The following AP3B2 variants were observed in gnomAD, a reference collection of about 807,000 sequenced individuals.
The protein encoded by AP3B2 is adaptor related protein complex 3 subunit beta 2, also known as AP-3 complex subunit beta-2.
AP3B2 carries 50 observed loss-of-function variants against 126.9 expected under a neutral mutation model. That is an observed-to-expected ratio of 0.39 (90% confidence interval 0.31 to 0.50). The LOEUF (loss-of-function observed/expected upper bound fraction) is 0.50. AP3B2 is among the 20% of genes least tolerant of loss of function. The probability of loss-of-function intolerance (pLI) is 0.79; values close to 1 mark genes in which losing one functional copy is unlikely to be tolerated. For missense variants in AP3B2, 1,177 were observed against 1,426.4 expected, an observed-to-expected ratio of 0.83 and a Z score of 2.82; for synonymous variants, 541 against 565.0, an observed-to-expected ratio of 0.96 and a Z score of 0.60.
In AP3B2 at chr15:82,678,107, G is replaced by T. The variant is rs2048275039; in HGVS notation, c.1243C>A (p.Gln415Lys). The change falls in exon 11 of 27, where the codon CAG becomes AAG. Residue 415 changes from glutamine (Q) to lysine (K), a missense_variant and splice_region_variant. Physicochemically the swap from Gln to Lys is moderately conservative, Grantham distance 53. Around this residue, in one of 5 missense-constraint regions of AP3B2, gnomAD observed 308 missense variants for 452.4 expected, o/e 0.68. Coordinates refer to ENST00000535359, the MANE Select transcript of AP3B2 (RefSeq NM_001278512.2). ...TNIPTVLREF[Q>K]TYIRSMDKDF... ...TCTGGCTGGGAGCTGGCCTGTACCT[G>T]GAATTCCCGTAGGACAGTAGGAATG... 6.2e-7 allele frequency: 1 copy of T among 1,613,800 alleles called. No homozygotes were observed. The highest frequency in any genetic ancestry group is 2.2e-5 in the East Asian group (1 of 44,884).
chr15:82,687,274 A>C (rs2048444430), intron 4 of AP3B2: 1 of 152,220 alleles, frequency 6.6e-6, no homozygotes, highest in Non-Finnish European at 1.5e-5. Flanking sequence ...CCACTTGTCA[A>C]TGGCTGCATT....
chr15:82,681,720 C>G lies in AP3B2; in HGVS notation c.361-140G>C, dbSNP rs2048342081. The stretch of plus-strand genomic sequence containing the variant: ...GCTTGACTGGAGCCTGGATGGTGTG[C>G]CAGTGATGGGTATCTGGGGGACACT... On this transcript the variant is annotated intron_variant, in intron 4 of 26. Coordinates refer to ENST00000535359, the MANE Select transcript of AP3B2 (RefSeq NM_001278512.2). This position sits in a 1 kb window ranked among gnomAD's most constrained non-coding sequence, Gnocchi z 4.0. 1.1e-6 allele frequency: 1 copy of G among 927,734 alleles called. No individual in the cohort carries two copies. Among genetic ancestry groups the G allele is most frequent in the Non-Finnish European group, 1.6e-6 (1 of 631,376 alleles). 57.5% of individuals were successfully genotyped at this position (927,734 alleles called of 1,614,324 possible).
At chr15:82,703,987 A>C (rs952615095) in intron 1 of AP3B2, among the ~76,000 whole-genome samples, 1 of 152,064 alleles carries the variant, frequency 6.6e-6, no homozygotes, top group African/African-American at 2.4e-5. Context: ...CCCCACACCC[A>C]GTCCGGCTTA....
rs1462764668 is a variant in AP3B2, at chr15:82,665,198, G to C, written c.2028+49C>G. On this transcript the variant is annotated intron_variant, in intron 17 of 26. Coordinates refer to ENST00000535359, the MANE Select transcript of AP3B2 (RefSeq NM_001278512.2). This position sits in a 1 kb window ranked among gnomAD's most constrained non-coding sequence, Gnocchi z 4.4. ...AGCACAACACACAGGGGAAGAAGAG[G>C]GACACAGACAGGGCAGGGGAGAGAG... The C allele has an allele frequency of 7.2e-6, 11 of 1,519,156 alleles. No homozygotes were observed. In the Admixed American group the frequency reaches 1.6e-4, roughly 22 times the overall value. 94.1% of individuals were successfully genotyped at this position (1,519,156 alleles called of 1,614,324 possible).
intron 1 of AP3B2, among the ~76,000 whole-genome samples, chr15:82,707,428 G>C (rs1217996064): frequency 3.3e-5 from 5 of 152,124 alleles, no homozygotes; most frequent in Non-Finnish European, 1.5e-5. Context: ...GACCAACTTG[G>C]ACTGTGCCCC....
Position 82,681,340 on chromosome 15 carries a change from A to G in AP3B2, c.521+80T>C, listed in dbSNP as rs1167581296. 6.3e-7 allele frequency: 1 copy of G among 1,578,586 alleles called. No homozygotes were observed. Among genetic ancestry groups the G allele is most frequent in the Non-Finnish European group, 8.6e-7 (1 of 1,158,916 alleles). ...TCAAACCCTCTGAGAAGCAGCAGGC[A>G]AGACTTAGGAAAGGCCAGGGGTGGG... On this transcript the variant is annotated intron_variant, in intron 5 of 26. Coordinates refer to ENST00000535359, the MANE Select transcript of AP3B2 (RefSeq NM_001278512.2). This position sits in a 1 kb window ranked among gnomAD's most constrained non-coding sequence, Gnocchi z 4.0.
intron 1 of AP3B2, among the ~76,000 whole-genome samples, chr15:82,706,956 A>C (rs1201069643): frequency 6.6e-6 from 1 of 152,106 alleles, no homozygotes. Context: ...CTTTACTCAC[A>C]TGCCCCGAGT....
Position 82,709,580 on chromosome 15 carries a change from G to C in AP3B2, c.113+14C>G, listed in dbSNP as rs1299622446. 1.3e-6 allele frequency: 2 copies of C among 1,486,226 alleles called. No individual in the cohort carries two copies. The highest frequency in any genetic ancestry group is 9.0e-7 in the Non-Finnish European group (1 of 1,116,516). 92.1% of individuals were successfully genotyped at this position (1,486,226 alleles called of 1,614,324 possible). On this transcript the variant is annotated intron_variant, in intron 1 of 26. Transcript: ENST00000535359. ...CCCCAACCCTCCCGCGAGCTTCCTGGCGGGCTCCCTCACCGCTTGTAGTCG... is the reference window on the plus strand; with the variant it reads ...CCCCAACCCTCCCGCGAGCTTCCTGCCGGGCTCCCTCACCGCTTGTAGTCG...
chr15:82,667,254 C>T (rs1019044127), intron 14 of AP3B2, among the ~76,000 whole-genome samples: 1 of 152,214 alleles, frequency 6.6e-6, no homozygotes, highest in Non-Finnish European at 1.5e-5. Flanking sequence ...CACTCCAGGC[C>T]TGTCCAGCCT....
intron 1 of AP3B2, among the ~76,000 whole-genome samples, chr15:82,693,724 G>T (rs1369890449): frequency 1.3e-5 from 2 of 152,080 alleles, no homozygotes; most frequent in Non-Finnish European, 2.9e-5. Flanking sequence ...TTTTGAGACA[G>T]AGTTTCGTTC....
rs576485427 is a variant in AP3B2, at chr15:82,678,469, C to T, written c.1183-302G>A. On this transcript the variant is annotated intron_variant, in intron 10 of 26. Coordinates refer to ENST00000535359, the MANE Select transcript of AP3B2 (RefSeq NM_001278512.2). ...TGGAGACCATCGTATTCACCATGGT[C>T]TGTAAGTCCCTGAATGATCTGCTTG... 2.0e-5 allele frequency among the ~76,000 whole-genome samples: 3 copies of T among 152,288 alleles called. No homozygotes were observed. The East Asian group carries it at 5.8e-4, about 29-fold the overall frequency.
intron 1 of AP3B2, chr15:82,691,651 T>C (rs1466884375): frequency 2.6e-6 from 3 of 1,163,176 alleles, no homozygotes; most frequent in African/African-American, 3.2e-5. Flanking sequence ...ATCCTCAATC[T>C]GGAATGCAGA....
chr15:82,690,151 G>A (rs1296760290), intron 1 of AP3B2, among the ~76,000 whole-genome samples: 2 of 151,982 alleles, frequency 1.3e-5, no homozygotes, highest in East Asian at 1.9e-4. Flanking sequence ...TGGTCCTGCC[G>A]ACACCTTGAG....
intron 1 of AP3B2, among the ~76,000 whole-genome samples, chr15:82,704,215 C>T (rs963973478): frequency 6.6e-6 from 1 of 152,168 alleles, no homozygotes; most frequent in Admixed American, 6.5e-5. Context: ...CAGCCCTAGA[C>T]CCTAAAAGGT....
Position 82,709,846 on chromosome 15 carries a change from G to T in AP3B2, c.-140C>A, listed in dbSNP as rs1359923757. 7.0e-6 allele frequency: 4 copies of T among 573,928 alleles called. No homozygotes were observed. The highest frequency in any genetic ancestry group is 1.1e-5 in the Non-Finnish European group (4 of 366,232). 35.6% of individuals were successfully genotyped at this position (573,928 alleles called of 1,614,324 possible). ...AGGGGTTCAGCAGAGGCTGCAGTGT[G>T]CAGCGGCGGAGGCTGCGCGCGGATT... On this transcript the variant is annotated 5_prime_UTR_variant, in exon 1 of 27. Transcript: ENST00000535359.
At chr15:82,673,678 ATAAT>A (rs2048195005) in intron 14 of AP3B2, among the ~76,000 whole-genome samples, 1 of 152,274 alleles carries the variant, frequency 6.6e-6, no homozygotes, top group Non-Finnish European at 1.5e-5. Context: ...AAGGAAATAT[ATAAT>A]TAATGGTGGT....
At position 82,688,656 on chromosome 15, in the gene AP3B2, C is replaced by G. The variant is rs187210451; in HGVS notation, c.360+80G>C. Reference sequence around the variant, plus strand: ...GGTCTGCAGAGCCCGCTCCCATGCTCATGGCCTCTCCCCAGGCCTACTCCT... The same window carrying G: ...GGTCTGCAGAGCCCGCTCCCATGCTGATGGCCTCTCCCCAGGCCTACTCCT... On this transcript the variant is annotated intron_variant, in intron 4 of 26. Coordinates refer to ENST00000535359, the MANE Select transcript of AP3B2 (RefSeq NM_001278512.2). 4.6e-4 allele frequency: 615 copies of G among 1,336,348 alleles called. 4 individuals are homozygous for G. In the Middle Eastern group the frequency reaches 6.7e-3, roughly 14 times the overall value. 82.8% of individuals were successfully genotyped at this position (1,336,348 alleles called of 1,614,324 possible).
At position 82,680,257 on chromosome 15, in the gene AP3B2, C is replaced by T. The variant is rs1182763792; in HGVS notation, c.1056-28G>A. On this transcript the variant is annotated intron_variant, in intron 8 of 26. Coordinates refer to ENST00000535359, the MANE Select transcript of AP3B2 (RefSeq NM_001278512.2). The surrounding 1 kb of genome is among the most constrained non-coding windows in gnomAD (Gnocchi z 6.1). Reference sequence around the variant, plus strand: ...GCGGAGAGGACGGGTCAGAGCACCCCGGGCCCCTCGGTTGGGGCAAGGGTC... The same window carrying T: ...GCGGAGAGGACGGGTCAGAGCACCCTGGGCCCCTCGGTTGGGGCAAGGGTC... The T allele has an allele frequency of 3.1e-6, 5 of 1,613,054 alleles. No homozygotes were observed. In the South Asian group the frequency reaches 3.3e-5, roughly 11 times the overall value.
At chr15:82,695,993 G>C (rs188452687) in intron 1 of AP3B2, among the ~76,000 whole-genome samples, 1 of 152,266 alleles carries the variant, frequency 6.6e-6, no homozygotes, top group Admixed American at 6.5e-5. Flanking sequence ...GTGTGTATGA[G>C]AGTAGGAGAA....
Sources: allele counts gnomAD v4.1 joint callset (sites outside exome capture counted in the v4.1 genomes callset), GRCh38; gene constraint gnomAD v4.1.1; regional missense constraint gnomAD v4.1.1; non-coding constraint Gnocchi (gnomAD v3.1); transcripts MANE v1.5; gene names NCBI Gene and HGNC (gene_info 2026-07-23, HGNC 2026-07-21).